The following DIS3 variants were observed in gnomAD, a reference collection of about 807,000 sequenced individuals.
DIS3 encodes the protein exosome complex exonuclease RRP44.
In DIS3, 103 loss-of-function variants were observed where a neutral mutation model predicts 113.0. That is an observed-to-expected ratio of 0.91 (90% CI 0.78 to 1.07). The LOEUF (loss-of-function observed/expected upper bound fraction) is 1.07, where lower values mean the gene tolerates loss of function less well. Ranked by LOEUF, DIS3 falls within the 50% of genes least tolerant of loss-of-function variation. The pLI, the probability that DIS3 is intolerant of heterozygous loss-of-function variation, is 0.00. For missense variants in DIS3, 1,121 were observed against 1,167.1 expected (o/e 0.96, Z 0.58); for synonymous variants, 402 against 394.3 (o/e 1.02, Z -0.23).
chr13:72,772,686 AAC>A lies in DIS3; in HGVS notation c.1386+5_1386+6del. 6.3e-7 allele frequency: 1 copy of A among 1,597,282 alleles called. No homozygotes were observed. The highest frequency in any genetic ancestry group is 8.5e-7 in the Non-Finnish European group (1 of 1,175,650). On this transcript the variant is annotated splice_donor_5th_base_variant and intron_variant, in intron 9 of 20. Coordinates refer to ENST00000377767, the MANE Select transcript of DIS3 (RefSeq NM_014953.5). Reference sequence around the variant, plus strand: ...TATAAAGTCACTACAAATTACTTTCAACTTACCTTTTCAGTAATGCTCCAGGG... The same window carrying A: ...TATAAAGTCACTACAAATTACTTTCATTACCTTTTCAGTAATGCTCCAGGG...
chr13:72,770,869 T>C (rs777961181), intron 13 of DIS3, 35 bp downstream of exon 13: 4 of 1,484,608 alleles, frequency 2.7e-6, no homozygotes, highest in Non-Finnish European at 3.6e-6. Flanking sequence ...TACCAAAAAG[T>C]TTAAAAATTA....
intron 6 of DIS3, 107 bp downstream of exon 6, chr13:72,775,104 A>G (rs2033976508): frequency 8.0e-7 from 1 of 1,251,564 alleles, no homozygotes; most frequent in Non-Finnish European, 1.1e-6. Context: ...ATACAGAACT[A>G]TGATTTTATG....
chr13:72,761,842 G>A (rs772600739), intron 17 of DIS3, 28 bp from the exon 18 acceptor site: 24 of 1,610,494 alleles, frequency 1.5e-5, no homozygotes, highest in Middle Eastern at 1.7e-4. Flanking sequence ...TAAGAACCAT[G>A]GTATGTCAGT....
chr13:72,772,132 G>T, intron 10 of DIS3, 27 bp downstream of exon 10: 1 of 1,550,936 alleles, frequency 6.4e-7, no homozygotes, highest in Non-Finnish European at 8.8e-7. Flanking sequence ...ACTATATTTA[G>T]GTAAGAACAC....
intron 14 of DIS3, among the ~76,000 whole-genome samples, chr13:72,767,181 AAT>A (rs1156432928): frequency 1.3e-5 from 2 of 152,042 alleles, no homozygotes; most frequent in African/African-American, 4.8e-5. Flanking sequence ...TTGCTTTTTC[AAT>A]TCTCCCTAAG....
intron 16 of DIS3, among the ~76,000 whole-genome samples, chr13:72,762,612 G>A (rs2033653040): frequency 6.6e-6 from 1 of 152,130 alleles, no homozygotes; most frequent in Non-Finnish European, 1.5e-5. Context: ...AGATGGGAAG[G>A]ATAGGGCCTA....
intron 6 of DIS3, 41 bp from the exon 7 acceptor site, chr13:72,774,100 A>G: frequency 7.3e-7 from 1 of 1,378,706 alleles, no homozygotes; most frequent in Non-Finnish European, 1.0e-6. Context: ...TATTCCTCTA[A>G]GTATTATCAG....
At position 72,772,162 on chromosome 13, in the gene DIS3, C is replaced by T; in HGVS notation, c.1500G>A (p.Leu500=). The T allele has an allele frequency of 6.2e-7, 1 of 1,610,616 alleles. No individual in the cohort carries two copies. The highest frequency in any genetic ancestry group is 8.5e-7 in the Non-Finnish European group (1 of 1,178,652). ...GAACACTATTACATATGAATACCTCCAAATTTCCATTTTCGAGTTCTCGAC... is the reference window on the plus strand; with the variant it reads ...GAACACTATTACATATGAATACCTCTAAATTTCCATTTTCGAGTTCTCGAC... ...LHCRELENGN[L]EVGVHIADVS... Residue 500 remains leucine (L), a synonymous_variant, in exon 10 of 21, where the codon TTG becomes TTA. Transcript: ENST00000377767.
chr13:72,752,844 C>T lies in DIS3; in HGVS notation c.*6951G>A, dbSNP rs1407957341. On this transcript the variant is annotated 3_prime_UTR_variant, in exon 21 of 21. Coordinates refer to ENST00000377767, the MANE Select transcript of DIS3 (RefSeq NM_014953.5). Reference sequence around the variant, plus strand: ...AAACAAAATGACAGTCAGCTTTTTCCTTCCCTCTGATCCTAACTTGCAGGG... The same window carrying T: ...AAACAAAATGACAGTCAGCTTTTTCTTTCCCTCTGATCCTAACTTGCAGGG... 1 of 152,144 alleles carries T rather than the reference C, an allele frequency of 6.6e-6. No individual in the cohort carries two copies. The highest frequency in any genetic ancestry group is 1.5e-5 in the Non-Finnish European group (1 of 68,022). 9.4% of individuals were successfully genotyped at this position (152,144 alleles called of 1,614,324 possible).
intron 19 of DIS3, 39 bp downstream of exon 19, chr13:72,761,323 TG>T: frequency 6.4e-7 from 1 of 1,563,632 alleles, no homozygotes; most frequent in Non-Finnish European, 8.6e-7. Context: ...AAAGAAAAAG[TG>T]CCCCCCGGAA....
intron 16 of DIS3, among the ~76,000 whole-genome samples, chr13:72,762,592 GC>G (rs2033652761): frequency 6.6e-6 from 1 of 152,058 alleles, no homozygotes; most frequent in Non-Finnish European, 1.5e-5. Flanking sequence ...ACTGCTCCCA[GC>G]TCTCTTCTAG....
At chr13:72,772,970 C>T (rs758355958) in intron 8 of DIS3, 131 bp from the exon 9 acceptor site, 1 of 1,054,646 alleles carries the variant, frequency 9.5e-7, no homozygotes. Flanking sequence ...TGAAAAATGA[C>T]CCTTTAGTAA....
chr13:72,778,151 C>T (rs562698199), intron 3 of DIS3, 36 bp downstream of exon 3: 1 of 1,503,392 alleles, frequency 6.7e-7, no homozygotes, highest in South Asian at 1.3e-5. Flanking sequence ...CACGCATTTG[C>T]AAACATGCAC....
chr13:72,773,628 C>A, intron 8 of DIS3, 56 bp downstream of exon 8: 1 of 1,544,068 alleles, frequency 6.5e-7, no homozygotes, highest in Non-Finnish European at 8.8e-7. Context: ...AGCAGAAATA[C>A]TATTCACAAA....
Position 72,770,972 on chromosome 13 carries a change from T to C in DIS3, c.1687A>G (p.Ile563Val). The part of the protein sequence containing the change: ...CDVDRLAFSC[I>V]WEMNHNAEIL... Reference sequence around the variant, plus strand: ...TCAGCATTGTGATTCATTTCCCAAATACATGAAAATGCCAGCCTGTGAAGG... The same window carrying C: ...TCAGCATTGTGATTCATTTCCCAAACACATGAAAATGCCAGCCTGTGAAGG... The change falls in exon 13 of 21, where the codon ATT becomes GTT. Residue 563 changes from isoleucine to valine, a missense_variant. Transcript: ENST00000377767. 1 of 1,600,610 alleles carries C rather than the reference T, an allele frequency of 6.2e-7. No homozygotes were observed. The highest frequency in any genetic ancestry group is 8.5e-7 in the Non-Finnish European group (1 of 1,172,728).
rs1004735719 is a variant in DIS3 at position 72,752,461 on chromosome 13, A to T, written c.*7334T>A. The stretch of plus-strand genomic sequence containing the variant: ...CCATAGTGTGGGACAAACTCCCCGC[A>T]TGCCTTACTTCCTGCTGTACTAATG... On this transcript the variant is annotated 3_prime_UTR_variant, in exon 21 of 21. Coordinates refer to ENST00000377767, the MANE Select transcript of DIS3 (RefSeq NM_014953.5). 6.6e-6 allele frequency: 1 copy of T among 152,208 alleles called. No homozygotes were observed. The allele number at this position is 152,208 out of a possible 1,614,324, so 9.4% of individuals were successfully genotyped here.
At chr13:72,767,086 A>C (rs2033767829) in intron 14 of DIS3, among the ~76,000 whole-genome samples, 3 of 152,088 alleles carry the variant, frequency 2.0e-5, no homozygotes. Context: ...CATTTTGATC[A>C]TTTTTCCTCA....
rs373059317 is a variant in DIS3 at position 72,761,365 on chromosome 13, C to T, written c.2668G>A (p.Glu890Lys). 1.3e-6 allele frequency: 2 copies of T among 1,599,416 alleles called. No homozygotes were observed. The highest frequency in any genetic ancestry group is 2.2e-5 in the East Asian group (1 of 44,622). The change falls in exon 19 of 21, where the codon GAG becomes AAG. Residue 890 changes from glutamate (E) to lysine (K), a missense_variant and splice_region_variant. Transcript: ENST00000377767. ...KPNPQLIYDD[E>K]IPSLKIEDTV... ...AACAAACATGAGAAATACCGTACCT[C>T]ATCATCATAAATAAGCTGTGGGTTT... is the stretch of plus-strand genomic sequence containing the variant.
At position 72,781,742 on chromosome 13, in the gene DIS3, A is replaced by G. The variant is rs1340233326; in HGVS notation, c.91T>C (p.Cys31Arg). The G allele has an allele frequency of 1.3e-6, 2 of 1,594,752 alleles. No homozygotes were observed. The highest frequency in any genetic ancestry group is 2.3e-5 in the East Asian group (1 of 43,726). Reference sequence around the variant, plus strand: ...CACGCTGCGCACCCGGGCGCACCGCAGCCGATGTCGTCTCGCAGGTAGTGC... The same window carrying G: ...CACGCTGCGCACCCGGGCGCACCGCGGCCGATGTCGTCTCGCAGGTAGTGC... Reference protein sequence around the residue: ...REHYLRDDIGCGAPGCAACGG... With the variant: ...REHYLRDDIGRGAPGCAACGG... Residue 31 changes from cysteine to arginine, a missense_variant, in exon 1 of 21, where the codon TGC (cysteine) becomes CGC (arginine). Physicochemically the swap from Cys to Arg is radical, Grantham distance 180. Transcript: ENST00000377767.
Sources: allele counts gnomAD v4.1 joint callset (sites outside exome capture counted in the v4.1 genomes callset), GRCh38; gene constraint gnomAD v4.1.1; transcripts MANE v1.5; gene names NCBI Gene and HGNC (gene_info 2026-07-23, HGNC 2026-07-21).